The following SLC36A1 variants were observed in gnomAD, a reference collection of about 807,000 sequenced individuals.
The protein encoded by SLC36A1 is proton-coupled amino acid transporter 1.
A neutral mutation model predicts 47.5 loss-of-function variants in SLC36A1; 30 were observed. The ratio of observed to expected loss-of-function variants is 0.63; its 90% CI spans 0.47 to 0.86. The LOEUF is 0.86. SLC36A1 is among the 40% of genes least tolerant of loss of function. The probability of loss-of-function intolerance (pLI) is 0.00; values close to 1 mark genes in which losing one functional copy is unlikely to be tolerated. For synonymous variants in SLC36A1, 255 were observed against 249.7 expected (o/e 1.02, Z -0.20); for missense variants, 517 against 606.0 (o/e 0.85, Z 1.54).
chr5:151,389,865 A>G, the SLC36A1 span, among the ~76,000 whole-genome samples: 2 of 152,030 alleles, frequency 1.3e-5, no homozygotes, highest in Non-Finnish European at 2.9e-5. Context: ...GCCGCAATAA[A>G]CATACATGTG....
the SLC36A1 span, chr5:151,507,033 C>T: frequency 2.4e-6 from 2 of 820,558 alleles, no homozygotes; most frequent in Admixed American, 2.7e-5. Context: ...CTCATCATGT[C>T]CCATCCCAAA....
chr5:151,521,985 G>A, the SLC36A1 span: 1 of 1,614,064 alleles, frequency 6.2e-7, no homozygotes, highest in Non-Finnish European at 8.5e-7. Context: ...CAGTGATGAA[G>A]ATCTCCAGTG....
chr5:151,459,018 A>G (rs1057154179), intron 2 of SLC36A1, 83 bp downstream of exon 2: 17 of 1,441,870 alleles, frequency 1.2e-5, no homozygotes, highest in Non-Finnish European at 1.6e-5. Context: ...CCCCAATTTC[A>G]TCAGTCCTCC....
the SLC36A1 span, chr5:151,347,570 CG>C: frequency 2.1e-6 from 3 of 1,415,074 alleles, no homozygotes; most frequent in South Asian, 2.4e-5. Context: ...GGTGTGTGCC[CG>C]GGCTGGCTCT....
chr5:151,520,425 G>A, the SLC36A1 span, among the ~76,000 whole-genome samples: 1 of 152,206 alleles, frequency 6.6e-6, no homozygotes, highest in Admixed American at 6.6e-5. Context: ...TCATATCTCA[G>A]TTCCAACTGC....
chr5:151,464,837 G>A (rs1215390840), intron 4 of SLC36A1, among the ~76,000 whole-genome samples: 4 of 152,070 alleles, frequency 2.6e-5, no homozygotes, highest in Admixed American at 6.5e-5. Flanking sequence ...TTTCATGGGC[G>A]TTGTAATATT....
chr5:151,454,142 G>T (rs1754097664), intron 1 of SLC36A1, among the ~76,000 whole-genome samples: 1 of 99,208 alleles, frequency 1.0e-5, no homozygotes, highest in African/African-American at 4.0e-5. Context: ...TTACTCAGTT[G>T]CTCACTCTTC....
At chr5:151,409,041 C>T in the SLC36A1 span, among the ~76,000 whole-genome samples, 60,195 of 148,110 alleles carry the variant, frequency 0.41, 12,301 homozygotes, top group South Asian at 0.45. Context: ...CTGTGTTGCT[C>T]AGGCTGGAGT....
At chr5:151,433,451 T>C (rs574258468), upstream of SLC36A1, among the ~76,000 whole-genome samples, 2 of 143,066 alleles carry the variant, frequency 1.4e-5, no homozygotes, top group Admixed American at 1.4e-4. Flanking sequence ...ATCCAGCTGT[T>C]TTTTTTTGTG....
At chr5:151,539,905 G>T in the SLC36A1 span, among the ~76,000 whole-genome samples, 1 of 152,176 alleles carries the variant, frequency 6.6e-6, no homozygotes, top group Non-Finnish European at 1.5e-5. Context: ...CCTGTCTCGT[G>T]TTTGTGTCTC....
the SLC36A1 span, chr5:151,347,301 T>C: frequency 6.2e-7 from 1 of 1,614,222 alleles, no homozygotes. Context: ...ACTCACGTTA[T>C]GCCCTTGGTC....
the SLC36A1 span, among the ~76,000 whole-genome samples, chr5:151,385,752 CCAAA>C: frequency 6.6e-6 from 1 of 152,092 alleles, no homozygotes; most frequent in African/African-American, 2.4e-5. Flanking sequence ...AAAAACCAAA[CCAAA>C]CAAACAGCAA....
chr5:151,412,347 T>C, the SLC36A1 span, among the ~76,000 whole-genome samples: 2 of 144,882 alleles, frequency 1.4e-5, 1 homozygote, highest in Non-Finnish European at 3.0e-5. Flanking sequence ...ATTTTCTGTG[T>C]GATAATTCCA....
At chr5:151,377,667 C>G in the SLC36A1 span, among the ~76,000 whole-genome samples, 1 of 152,102 alleles carries the variant, frequency 6.6e-6, no homozygotes. Context: ...TTCTTTAGGT[C>G]TAGTAATACT....
chr5:151,544,097 G>A, the SLC36A1 span: 1 of 1,614,218 alleles, frequency 6.2e-7, no homozygotes, highest in Non-Finnish European at 8.5e-7. Context: ...ACATGAAAGT[G>A]TTGTTGGGCT....
In SLC36A1 at chr5:151,479,483, C is replaced by G. The variant is rs372327626; in HGVS notation, c.1153C>G (p.Leu385Val). ...GTTTGTGCGCACAGTGCTGGTCTGCCTGACATGTGAGTAGAAGATGATAAT... is the reference window on the plus strand; with the variant it reads ...GTTTGTGCGCACAGTGCTGGTCTGCGTGACATGTGAGTAGAAGATGATAAT... Reference protein sequence around the residue: ...DLFVRTVLVCLTCILAILIPR... With the variant: ...DLFVRTVLVCVTCILAILIPR... Residue 385 changes from leucine to valine, a missense_variant, in exon 10 of 11, where the codon CTG (leucine) becomes GTG (valine). Coordinates refer to ENST00000243389, the MANE Select transcript of SLC36A1 (RefSeq NM_078483.4). 1.6e-4 allele frequency: 262 copies of G among 1,612,286 alleles called. 2 individuals carry two copies. The highest frequency in any genetic ancestry group is 1.3e-3 in the Middle Eastern group (8 of 6,040).
the SLC36A1 span, among the ~76,000 whole-genome samples, chr5:151,379,068 G>C: frequency 1.3e-5 from 2 of 152,240 alleles, no homozygotes; most frequent in Non-Finnish European, 2.9e-5. Context: ...GTGGGGAGGT[G>C]CTTGCACAGG....
the SLC36A1 span, among the ~76,000 whole-genome samples, chr5:151,403,637 G>T: frequency 2.0e-5 from 3 of 152,118 alleles, no homozygotes; most frequent in Non-Finnish European, 4.4e-5. Flanking sequence ...CCCAGTCTTA[G>T]ATATTTCTTT....
chr5:151,380,760 A>ATTGT, the SLC36A1 span: 1 of 539,272 alleles, frequency 1.9e-6, no homozygotes, highest in South Asian at 1.4e-5. Flanking sequence ...CCTTGCAGAC[A>ATTGT]GATGGTGGAC....
Sources: allele counts gnomAD v4.1 joint callset (sites outside exome capture counted in the v4.1 genomes callset), GRCh38; gene constraint gnomAD v4.1.1; transcripts MANE v1.5; gene names NCBI Gene and HGNC (gene_info 2026-07-23, HGNC 2026-07-21).